The following MRPL3 variants were observed in gnomAD, a reference collection of about 807,000 sequenced individuals.
MRPL3 encodes the protein large ribosomal subunit protein uL3m.
MRPL3 carries 43 observed loss-of-function variants against 44.3 expected under a neutral mutation model. The ratio of observed to expected loss-of-function variants is 0.97; its 90% CI spans 0.76 to 1.25. The LOEUF is 1.25. MRPL3 is among the 50% of genes most tolerant of loss of function. The pLI is 0.00. For synonymous variants in MRPL3, 171 were observed against 152.3 expected (o/e 1.12, Z -0.91); for missense variants, 406 against 427.6 (o/e 0.95, Z 0.45).
chr3:131,476,370 C>A (rs1162321664), intron 6 of MRPL3, among the ~76,000 whole-genome samples: 2 of 152,096 alleles, frequency 1.3e-5, no homozygotes, highest in African/African-American at 4.8e-5. Flanking sequence ...TGTCACTCAA[C>A]TTGAGAACAA....
chr3:131,477,284 A>G (rs1312263588), intron 6 of MRPL3, among the ~76,000 whole-genome samples: 1 of 152,194 alleles, frequency 6.6e-6, no homozygotes, highest in South Asian at 2.1e-4. Context: ...AACTTCCTCT[A>G]AAATTCCCAT....
At chr3:131,463,021 T>C (rs1582697841) in intron 9 of MRPL3, 146 bp from the exon 10 acceptor site, 1 of 624,546 alleles carries the variant, frequency 1.6e-6, no homozygotes, top group Non-Finnish European at 2.5e-6. Context: ...TAAAAAGAAC[T>C]CAGTCAATGC....
intron 6 of MRPL3, among the ~76,000 whole-genome samples, chr3:131,472,909 A>T (rs1933771504): frequency 6.6e-6 from 1 of 152,210 alleles, no homozygotes; most frequent in Non-Finnish European, 1.5e-5. Context: ...TGATGAAAGA[A>T]ACTGCAGAGG....
intron 2 of MRPL3, among the ~76,000 whole-genome samples, 195 bp from the exon 3 acceptor site, chr3:131,500,716 G>T (rs1934478327): frequency 6.6e-6 from 1 of 152,080 alleles, no homozygotes; most frequent in Non-Finnish European, 1.5e-5. Flanking sequence ...ATGACATATT[G>T]GTGCTCAATA....
chr3:131,491,940 T>C (rs923422162), intron 4 of MRPL3, among the ~76,000 whole-genome samples: 5 of 152,144 alleles, frequency 3.3e-5, no homozygotes, highest in African/African-American at 9.7e-5. Context: ...TAAAATGTTC[T>C]ACACAATCTG....
chr3:131,500,822 T>C (rs775047245), intron 2 of MRPL3, among the ~76,000 whole-genome samples: 18 of 152,226 alleles, frequency 1.2e-4, no homozygotes, highest in Admixed American at 3.3e-4. Context: ...GATAAATCCA[T>C]CATTTTGCTT....
At chr3:131,483,695 C>T (rs997211052) in intron 6 of MRPL3, among the ~76,000 whole-genome samples, 12 of 152,274 alleles carry the variant, frequency 7.9e-5, no homozygotes, top group South Asian at 6.2e-4. Context: ...CGTCAAGAAG[C>T]TGTTACTGTT....
At chr3:131,465,735 G>T (rs1012506423) in intron 9 of MRPL3, among the ~76,000 whole-genome samples, 1 of 152,022 alleles carries the variant, frequency 6.6e-6, no homozygotes, top group African/African-American at 2.4e-5. Flanking sequence ...AATACCACGG[G>T]AAGTACAATG....
Position 131,501,778 on chromosome 3 carries a change from G to C in MRPL3, c.93-63C>G, listed in dbSNP as rs1934502586. 4 of 1,589,166 alleles carry C rather than the reference G, an allele frequency of 2.5e-6. No homozygotes were observed. The Admixed American group carries it at 7.1e-5, about 28-fold the overall frequency. ...TTAAAAACTTCCTCCACTTAATATA[G>C]AAAAGGGAAGTCACAAATTGGAAAG... On this transcript the variant is annotated intron_variant, in intron 1 of 9. Coordinates refer to ENST00000264995, the MANE Select transcript of MRPL3 (RefSeq NM_007208.4).
chr3:131,484,755 T>G (rs564389662), intron 6 of MRPL3, among the ~76,000 whole-genome samples: 18 of 152,196 alleles, frequency 1.2e-4, no homozygotes, highest in Non-Finnish European at 2.1e-4. Flanking sequence ...ATCCTATAAA[T>G]TTACAAGCAT....
chr3:131,485,111 TA>T (rs1934089495), intron 6 of MRPL3, among the ~76,000 whole-genome samples: 1 of 152,198 alleles, frequency 6.6e-6, no homozygotes, highest in African/African-American at 2.4e-5. Context: ...TGGCTTTACA[TA>T]ATCTTGTTTT....
Position 131,486,813 on chromosome 3 carries a change from G to C in MRPL3, c.629+867C>G, listed in dbSNP as rs149394866. Among the ~76,000 whole-genome samples, 224 of 152,298 alleles carry C rather than the reference G, an allele frequency of 1.5e-3. 1 individual carries two copies. The highest frequency in any genetic ancestry group is 1.4e-3 in the South Asian group (7 of 4,828). On this transcript the variant is annotated intron_variant, in intron 6 of 9. Transcript: ENST00000264995. Reference sequence around the variant, plus strand: ...ATTAAAAAGGAAACAACAGATGCTGGAGAGGATGTGGAGAAATACAAACGC... The same window carrying C: ...ATTAAAAAGGAAACAACAGATGCTGCAGAGGATGTGGAGAAATACAAACGC...
intron 9 of MRPL3, among the ~76,000 whole-genome samples, chr3:131,463,957 A>T (rs1213660035): frequency 1.3e-5 from 2 of 152,172 alleles, no homozygotes; most frequent in African/African-American, 4.8e-5. Context: ...CACAGCTGCT[A>T]GGAACAGCTT....
At chr3:131,479,139 T>C (rs754457740) in intron 6 of MRPL3, 15 of 518,550 alleles carry the variant, frequency 2.9e-5, no homozygotes. Flanking sequence ...CTGATGAAGC[T>C]GGTTAGAGCT....
chr3:131,463,850 A>G (rs1933543974), intron 9 of MRPL3, among the ~76,000 whole-genome samples: 2 of 152,102 alleles, frequency 1.3e-5, no homozygotes, highest in African/African-American at 4.8e-5. Flanking sequence ...TTCATAAGTA[A>G]AGTTTTTAAA....
chr3:131,501,334 T>C (rs929210581), intron 2 of MRPL3, among the ~76,000 whole-genome samples, 197 bp downstream of exon 2: 2 of 152,228 alleles, frequency 1.3e-5, no homozygotes, highest in African/African-American at 4.8e-5. Context: ...AGGAGGTCTT[T>C]ATTATCATCA....
chr3:131,474,759 T>C (rs1582704994), intron 6 of MRPL3, among the ~76,000 whole-genome samples: 1 of 142,266 alleles, frequency 7.0e-6, no homozygotes, highest in African/African-American at 2.5e-5. Context: ...TGTACTAGAC[T>C]TTTTAATTTT....
At chr3:131,488,057 T>C (rs1244057461) in intron 5 of MRPL3, among the ~76,000 whole-genome samples, 1 of 152,204 alleles carries the variant, frequency 6.6e-6, no homozygotes, top group African/African-American at 2.4e-5. Context: ...GATATGTTTC[T>C]TGTCTTCACA....
intron 4 of MRPL3, among the ~76,000 whole-genome samples, chr3:131,490,447 C>T (rs1286590962): frequency 6.6e-6 from 1 of 152,176 alleles, no homozygotes; most frequent in Non-Finnish European, 1.5e-5. Flanking sequence ...CTATTCTGCA[C>T]TTATTCTAAA....
Sources: allele counts gnomAD v4.1 joint callset (sites outside exome capture counted in the v4.1 genomes callset), GRCh38; gene constraint gnomAD v4.1.1; transcripts MANE v1.5; gene names NCBI Gene and HGNC (gene_info 2026-07-23, HGNC 2026-07-21).